The following SEMA5A variants were observed in gnomAD, a reference collection of about 807,000 sequenced individuals.
SEMA5A encodes the protein semaphorin 5A.
In SEMA5A, 55 loss-of-function variants were observed where a neutral mutation model predicts 135.5. The ratio of observed to expected loss-of-function variants is 0.41; its 90% CI spans 0.33 to 0.51. The LOEUF is 0.51. Ranked by LOEUF, SEMA5A falls within the 20% of genes least tolerant of loss-of-function variation. The pLI is 0.37. For missense variants in SEMA5A, 1,290 were observed against 1,419.9 expected (o/e 0.91, Z 1.47); for synonymous variants, 580 against 546.5 (o/e 1.06, Z -0.85).
rs537790463 is a variant in SEMA5A at position 9,348,132 on chromosome 5, T to C, written c.125-10320A>G. Among the ~76,000 whole-genome samples the C allele has an allele frequency of 3.3e-5, 5 of 152,310 alleles. No individual in the cohort carries two copies. In the South Asian group the frequency reaches 1.0e-3, roughly 32 times the overall value. On this transcript the variant is annotated intron_variant, in intron 3 of 22. Coordinates refer to ENST00000382496, the MANE Select transcript of SEMA5A (RefSeq NM_003966.3). ...CCACCTGGCAAGTGCAAAGAGACAC[T>C]AGTGAAAAGTTGTCTGTAATCTGAG...
chr5:9,130,197 G>A (rs1419000400), intron 13 of SEMA5A, among the ~76,000 whole-genome samples: 2 of 152,088 alleles, frequency 1.3e-5, no homozygotes, highest in African/African-American at 4.8e-5. Flanking sequence ...CATTTGGTGA[G>A]TGCAGAGGTC....
chr5:9,423,858 T>C (rs1296353582), intron 2 of SEMA5A, among the ~76,000 whole-genome samples: 1 of 152,086 alleles, frequency 6.6e-6, no homozygotes, highest in East Asian at 1.9e-4. Flanking sequence ...ATTCAATGAG[T>C]CAACAAGTAT....
At chr5:9,391,938 C>T (rs1049783348) in intron 2 of SEMA5A, among the ~76,000 whole-genome samples, 1 of 152,206 alleles carries the variant, frequency 6.6e-6, no homozygotes, top group East Asian at 1.9e-4. Flanking sequence ...TGATCTCCAG[C>T]CTTCCTGTTC....
At chr5:9,267,485 A>G (rs1347978243) in intron 5 of SEMA5A, among the ~76,000 whole-genome samples, 2 of 152,134 alleles carry the variant, frequency 1.3e-5, no homozygotes, top group East Asian at 1.9e-4. Flanking sequence ...TCTATGCCTT[A>G]ATGACACAGA....
At chr5:9,109,262 A>G (rs1001888930) in intron 15 of SEMA5A, among the ~76,000 whole-genome samples, 28 of 151,576 alleles carry the variant, frequency 1.8e-4, no homozygotes, top group African/African-American at 4.6e-4. Context: ...GGATGGTCTC[A>G]ATCTCCTGAC....
At chr5:9,125,170 A>G (rs1048344528) in intron 13 of SEMA5A, among the ~76,000 whole-genome samples, 2 of 152,192 alleles carry the variant, frequency 1.3e-5, no homozygotes, top group African/African-American at 4.8e-5. Flanking sequence ...TCCAATTGCT[A>G]TAATTATGAC....
intron 12 of SEMA5A, among the ~76,000 whole-genome samples, chr5:9,149,792 A>G (rs1742533615): frequency 6.6e-6 from 1 of 152,216 alleles, no homozygotes; most frequent in African/African-American, 2.4e-5. Flanking sequence ...GAAAATAACA[A>G]CCTGATTTCT....
intron 4 of SEMA5A, among the ~76,000 whole-genome samples, chr5:9,334,061 G>A (rs1753275252): frequency 6.6e-6 from 1 of 152,022 alleles, no homozygotes; most frequent in East Asian, 1.9e-4. Context: ...ACCACAAATG[G>A]CTGAAAGAGA....
chr5:9,051,934 G>T lies in SEMA5A; in HGVS notation c.2784C>A (p.Ser928Arg). 6.2e-7 allele frequency: 1 copy of T among 1,614,156 alleles called. No homozygotes were observed. The highest frequency in any genetic ancestry group is 8.5e-7 in the Non-Finnish European group (1 of 1,180,040). The change falls in exon 20 of 23, where the codon AGC becomes AGA. Residue 928 changes from serine to arginine, a missense_variant. Coordinates refer to ENST00000382496, the MANE Select transcript of SEMA5A (RefSeq NM_003966.3). ...TCTCCGTGGTGTTCCCGGAGCACTG[G>T]CTGCCCATGGGGAACAGGAGGATGC... ...RQCILLFPMGSQCSGNTTESR... is the reference protein window; with the variant it reads ...RQCILLFPMGRQCSGNTTESR...
At chr5:9,367,748 T>C (rs1754977437) in intron 3 of SEMA5A, among the ~76,000 whole-genome samples, 1 of 152,194 alleles carries the variant, frequency 6.6e-6, no homozygotes. Flanking sequence ...TGGCATGTGG[T>C]CCCCAATGTT....
At chr5:9,506,395 T>A (rs1048251825) in intron 1 of SEMA5A, among the ~76,000 whole-genome samples, 5 of 152,344 alleles carry the variant, frequency 3.3e-5, no homozygotes, top group South Asian at 2.1e-4. Context: ...AAAATTAATA[T>A]AATGGGTCAT....
intron 5 of SEMA5A, among the ~76,000 whole-genome samples, chr5:9,251,586 A>T (rs1261044993): frequency 1.3e-5 from 2 of 152,218 alleles, no homozygotes; most frequent in Non-Finnish European, 2.9e-5. Context: ...GCACTATGAG[A>T]TTAACCAGAA....
At chr5:9,541,556 G>GA (rs1483247911) in intron 1 of SEMA5A, among the ~76,000 whole-genome samples, 3 of 151,908 alleles carry the variant, frequency 2.0e-5, no homozygotes, top group East Asian at 1.9e-4. Context: ...AACCAATAAG[G>GA]AAAAAAAGAG....
Position 9,053,995 on chromosome 5 carries a change from C to A in SEMA5A, c.2689+92G>T, listed in dbSNP as rs1169891059. 8.4e-6 allele frequency: 12 copies of A among 1,421,006 alleles called. No individual in the cohort carries two copies. In the African/African-American group the frequency reaches 1.7e-4, roughly 20 times the overall value. 88.0% of individuals were successfully genotyped at this position (1,421,006 alleles called of 1,614,324 possible). ...TTGCCCACCCCCCTTTCAGTACTTA[C>A]CATGATGCAGTATCATCAATTACAC... On this transcript the variant is annotated intron_variant, in intron 19 of 22. Coordinates refer to ENST00000382496, the MANE Select transcript of SEMA5A (RefSeq NM_003966.3).
In SEMA5A at chr5:9,038,592, G is replaced by GTGTT. The variant is rs1215002391; in HGVS notation, c.*4301_*4304dup. ...TGTAAATTCAAATGCTAACAAGGCT[G>GTGTT]TGTTTAGACAAAACGATTAGCTGAG... On this transcript the variant is annotated 3_prime_UTR_variant, in exon 23 of 23. Transcript: ENST00000382496. The GTGTT allele has an allele frequency of 1.3e-5, 2 of 152,200 alleles. No homozygotes were observed. The highest frequency in any genetic ancestry group is 1.3e-4 in the Admixed American group (2 of 15,278). The allele number at this position is 152,200 out of a possible 1,614,324, so 9.4% of individuals were successfully genotyped here.
At position 9,122,683 on chromosome 5, in the gene SEMA5A, G is replaced by A. The variant is rs1740874655; in HGVS notation, c.1754C>T (p.Pro585Leu). 2 of 1,607,400 alleles carry A rather than the reference G, an allele frequency of 1.2e-6. No individual in the cohort carries two copies. The highest frequency in any genetic ancestry group is 1.7e-6 in the Non-Finnish European group (2 of 1,175,816). The change falls in exon 14 of 23, where the codon CCT (proline) becomes CTT (leucine). Residue 585 changes from proline to leucine, a missense_variant. Pro to Leu is a moderately conservative substitution (Grantham distance 98). Transcript: ENST00000382496. ...PQCGGWQCEG[P>L]GMEIANCSRN... ...GGAACAGTTGGCGATCTCCATGCCA[G>A]GGCCCTCGCACTGCCAGCCACCACA...
At chr5:9,506,114 C>A (rs1735867717) in intron 1 of SEMA5A, among the ~76,000 whole-genome samples, 1 of 152,122 alleles carries the variant, frequency 6.6e-6, no homozygotes, top group Non-Finnish European at 1.5e-5. Flanking sequence ...ATTTAGGCTT[C>A]TTTTTAGAAT....
intron 5 of SEMA5A, among the ~76,000 whole-genome samples, chr5:9,309,475 T>C (rs1752023003): frequency 6.6e-6 from 1 of 152,148 alleles, no homozygotes; most frequent in Non-Finnish European, 1.5e-5. Context: ...CCAGTGGAAT[T>C]TGGGCACAAG....
At chr5:9,448,422 G>A (rs1235907038) in intron 1 of SEMA5A, among the ~76,000 whole-genome samples, 2 of 152,138 alleles carry the variant, frequency 1.3e-5, no homozygotes, top group East Asian at 1.9e-4. Context: ...CCTGACACAT[G>A]GTAAACCCCT....
Sources: gnomAD v4.1 joint callset for allele counts (sites outside exome capture counted in the v4.1 genomes callset) on GRCh38, gnomAD v4.1.1 for gene constraint, MANE v1.5 for transcripts, NCBI Gene and HGNC (gene_info 2026-07-23, HGNC 2026-07-21) for gene names.